USH2A: variants seen among roughly 807,000 people sequenced by gnomAD.
The protein encoded by USH2A is usherin.
A neutral mutation model predicts 538.9 loss-of-function variants in USH2A; 443 were observed. The ratio of observed to expected loss-of-function variants is 0.82; its 90% CI spans 0.76 to 0.89. The LOEUF is 0.89. Ranked by LOEUF, USH2A falls within the 40% of genes least tolerant of loss-of-function variation. USH2A has a pLI of 0.00. For synonymous variants in USH2A, 2,413 were observed against 2,273.5 expected, an observed-to-expected ratio of 1.06 and a Z score of -1.75; for missense variants, 6,633 against 6,324.8, an observed-to-expected ratio of 1.05 and a Z score of -1.65.
intron 35 of USH2A, among the ~76,000 whole-genome samples, chr1:215,981,590 C>T (rs1035531363): frequency 1.3e-5 from 2 of 152,062 alleles, no homozygotes; most frequent in East Asian, 1.9e-4. Context: ...GTCCTCTCCT[C>T]AGGCCTTGAG....
chr1:215,698,151 A>G (rs1049529775), intron 61 of USH2A, among the ~76,000 whole-genome samples: 1 of 152,234 alleles, frequency 6.6e-6, no homozygotes, highest in Non-Finnish European at 1.5e-5. Flanking sequence ...TGCAGAGGAC[A>G]TGAACTCATT....
intron 21 of USH2A, among the ~76,000 whole-genome samples, chr1:216,166,734 G>A (rs952846828): frequency 1.3e-5 from 2 of 152,120 alleles, no homozygotes; most frequent in African/African-American, 2.4e-5. Flanking sequence ...TGGTACACAC[G>A]GAAGGAGGAA....
At chr1:215,670,378 T>C (rs1045371587) in intron 64 of USH2A, among the ~76,000 whole-genome samples, 2 of 152,198 alleles carry the variant, frequency 1.3e-5, no homozygotes, top group Admixed American at 6.5e-5. Context: ...TGGACTCTGA[T>C]GGCAAAACAA....
intron 32 of USH2A, among the ~76,000 whole-genome samples, chr1:216,020,736 G>A (rs1461515118): frequency 6.6e-6 from 1 of 152,116 alleles, no homozygotes; most frequent in African/African-American, 2.4e-5. Flanking sequence ...TGGAAATTGA[G>A]TCAATCATCA....
At chr1:216,262,671 A>T (rs529146377) in intron 11 of USH2A, among the ~76,000 whole-genome samples, 1 of 152,216 alleles carries the variant, frequency 6.6e-6, no homozygotes, top group South Asian at 2.1e-4. Context: ...TGAAATACTA[A>T]CTTAAAACTT....
chr1:215,642,877 C>G (rs934846317), intron 67 of USH2A, among the ~76,000 whole-genome samples: 12 of 152,152 alleles, frequency 7.9e-5, no homozygotes, highest in Admixed American at 5.2e-4. Context: ...ACCTCTCTCT[C>G]CACTGAAGGG....
At chr1:216,401,011 T>A (rs1370213886) in intron 3 of USH2A, among the ~76,000 whole-genome samples, 1 of 152,048 alleles carries the variant, frequency 6.6e-6, no homozygotes, top group Non-Finnish European at 1.5e-5. Flanking sequence ...AATATCAGAA[T>A]GAATAAAATT....
intron 43 of USH2A, among the ~76,000 whole-genome samples, chr1:215,873,977 T>G (rs78082799): frequency 0.035 from 5,338 of 152,318 alleles, 156 homozygotes; most frequent in East Asian, 0.14. Flanking sequence ...TAACTTGTTC[T>G]TCTTTAAATC....
At chr1:215,693,092 A>ATATGTGTG (rs371000210) in intron 61 of USH2A, among the ~76,000 whole-genome samples, 2,349 of 131,634 alleles carry the variant, frequency 0.018, 77 homozygotes, top group African/African-American at 0.056. Flanking sequence ...ATATATATAT[A>ATATGTGTG]TGTGTGTGTG....
intron 21 of USH2A, among the ~76,000 whole-genome samples, chr1:216,173,126 T>A (rs1302332441): frequency 1.3e-5 from 2 of 152,170 alleles, no homozygotes; most frequent in African/African-American, 4.8e-5. Flanking sequence ...GCTAATTATA[T>A]GCTTACCTCT....
At chr1:216,258,926 G>C (rs2036309621) in intron 11 of USH2A, among the ~76,000 whole-genome samples, 1 of 152,040 alleles carries the variant, frequency 6.6e-6, no homozygotes, top group Non-Finnish European at 1.5e-5. Flanking sequence ...ATCATAGACA[G>C]AGCTGCATTG....
Position 216,405,958 on chromosome 1 carries a change from T to C in USH2A, c.651+12556A>G, listed in dbSNP as rs563226603. Among the ~76,000 whole-genome samples the C allele has an allele frequency of 1.3e-4, 20 of 152,200 alleles. 1 individual carries two copies. The highest frequency in any genetic ancestry group is 2.1e-4 in the Non-Finnish European group (14 of 68,042). ...AGTACATATTGTGTGATGTCATGTA[T>C]ACAACATTTTGAAAAGACCAAATTT... On this transcript the variant is annotated intron_variant, in intron 3 of 71. Transcript: ENST00000307340.
At chr1:215,812,481 A>G (rs569840193) in intron 49 of USH2A, among the ~76,000 whole-genome samples, 1 of 152,286 alleles carries the variant, frequency 6.6e-6, no homozygotes, top group South Asian at 2.1e-4. Context: ...TATTTTGCAA[A>G]ACAGACACTG....
chr1:216,408,009 C>T (rs1315482386), intron 3 of USH2A, among the ~76,000 whole-genome samples: 2 of 151,382 alleles, frequency 1.3e-5, no homozygotes. Context: ...TGATATATGT[C>T]CCATATGATA....
chr1:215,996,343 C>T (rs1027692296), intron 34 of USH2A, among the ~76,000 whole-genome samples: 9 of 152,086 alleles, frequency 5.9e-5, no homozygotes, highest in Admixed American at 1.3e-4. Flanking sequence ...AAAGTGAAGC[C>T]ACTTCCAGGA....
At chr1:215,668,243 T>C (rs1371543317) in intron 64 of USH2A, among the ~76,000 whole-genome samples, 1 of 152,198 alleles carries the variant, frequency 6.6e-6, no homozygotes, top group African/African-American at 2.4e-5. Flanking sequence ...AATACAAAAA[T>C]GCTCTTTTGT....
At chr1:216,081,023 A>C (rs2102557142) in intron 26 of USH2A, among the ~76,000 whole-genome samples, 1 of 152,172 alleles carries the variant, frequency 6.6e-6, no homozygotes, top group Middle Eastern at 3.4e-3. Context: ...TAAACAATAG[A>C]TACTGTTTAA....
intron 3 of USH2A, among the ~76,000 whole-genome samples, chr1:216,411,066 G>T (rs2039481510): frequency 6.6e-6 from 1 of 151,460 alleles, no homozygotes; most frequent in African/African-American, 2.4e-5. Context: ...ACATAAAACA[G>T]TTCAATAGAG....
chr1:216,274,653 T>C (rs533113374), intron 11 of USH2A, among the ~76,000 whole-genome samples: 1 of 152,240 alleles, frequency 6.6e-6, no homozygotes, highest in African/African-American at 2.4e-5. Flanking sequence ...GAATGCCAGG[T>C]GAATAAAGTA....
Sources: gnomAD v4.1 joint callset for allele counts (sites outside exome capture counted in the v4.1 genomes callset) on GRCh38, gnomAD v4.1.1 for gene constraint, MANE v1.5 for transcripts, NCBI Gene and HGNC (gene_info 2026-07-23, HGNC 2026-07-21) for gene names.